RBM25: variants seen among roughly 807,000 people sequenced by gnomAD.
RBM25 encodes the protein RNA binding motif protein 25.
A neutral mutation model predicts 120.7 loss-of-function variants in RBM25; 19 were observed. The ratio of observed to expected loss-of-function variants is 0.16; its 90% confidence interval spans 0.11 to 0.23. RBM25 has a LOEUF of 0.23. RBM25 is among the 10% of genes least tolerant of loss of function. The pLI is 1.00. For synonymous variants in RBM25, 390 were observed against 326.7 expected, an observed-to-expected ratio of 1.19 and a Z score of -2.09; for missense variants, 605 against 1,041.5, an observed-to-expected ratio of 0.58 and a Z score of 5.77.
intron 16 of RBM25, 107 bp from the exon 17 acceptor site, chr14:73,112,045 C>T: frequency 8.6e-7 from 1 of 1,165,068 alleles, no homozygotes; most frequent in Non-Finnish European, 1.2e-6. Flanking sequence ...CTTAGTTCAA[C>T]TTGTGAAATA....
chr14:73,108,695 T>C (rs190337151), intron 13 of RBM25, among the ~76,000 whole-genome samples: 1 of 152,342 alleles, frequency 6.6e-6, no homozygotes, highest in African/African-American at 2.4e-5. Context: ...ATATTTAATA[T>C]AGTTAAATTT....
intron 18 of RBM25, among the ~76,000 whole-genome samples, chr14:73,117,648 C>T (rs781688618): frequency 6.6e-6 from 1 of 152,146 alleles, no homozygotes. Context: ...GTAGCTACAT[C>T]GCCTCCACTT....
chr14:73,103,536 C>CG, intron 10 of RBM25, 58 bp downstream of exon 10: 1 of 1,517,494 alleles, frequency 6.6e-7, no homozygotes, highest in Non-Finnish European at 8.8e-7. Flanking sequence ...ATCGGGTAGT[C>CG]CTCCAGAGTA....
intron 5 of RBM25, among the ~76,000 whole-genome samples, chr14:73,086,170 G>C (rs981635872): frequency 2.0e-5 from 3 of 151,916 alleles, no homozygotes; most frequent in Admixed American, 6.6e-5. Flanking sequence ...GGTTTGGGAT[G>C]GGTGTGGTGG....
At chr14:73,092,219 G>GGA (rs2140444647) in intron 6 of RBM25, among the ~76,000 whole-genome samples, 1 of 150,544 alleles carries the variant, frequency 6.6e-6, no homozygotes, top group Non-Finnish European at 1.5e-5. Context: ...GGGGGTGTAG[G>GGA]GAGAGATGAA....
At chr14:73,075,155 T>TTTTA (rs1205188630) in intron 2 of RBM25, among the ~76,000 whole-genome samples, 5 of 151,874 alleles carry the variant, frequency 3.3e-5, no homozygotes, top group Admixed American at 1.3e-4. Context: ...ACAAGCATGA[T>TTTTA]TTTATTTATT....
In RBM25 at chr14:73,077,449, T is replaced by C; in HGVS notation, c.237T>C (p.Asn79=). ...KDHPGLKAKE[N]DENCGPTTTV... is the part of the protein sequence containing the mutation. The stretch of plus-strand genomic sequence containing the variant: ...ATCCAGGCTTAAAGGCTAAAGAAAA[T>C]GATGAAAATTGTGGTCCTACTACCA... The change falls in exon 4 of 19, where the codon AAT becomes AAC. Residue 79 remains asparagine, a synonymous_variant. Coordinates refer to ENST00000261973, the MANE Select transcript of RBM25 (RefSeq NM_021239.3). 6.2e-7 allele frequency: 1 copy of C among 1,613,908 alleles called. No homozygotes were observed. Among genetic ancestry groups the C allele is most frequent in the Non-Finnish European group, 8.5e-7 (1 of 1,179,870 alleles).
intron 1 of RBM25, among the ~76,000 whole-genome samples, chr14:73,066,770 T>A (rs1056319044): frequency 1.3e-4 from 20 of 152,154 alleles, no homozygotes; most frequent in African/African-American, 4.6e-4. Flanking sequence ...ATTATCCCAA[T>A]TTAAGTCAAA....
At chr14:73,110,196 T>G (rs912257670) in intron 14 of RBM25, among the ~76,000 whole-genome samples, 1 of 151,326 alleles carries the variant, frequency 6.6e-6, no homozygotes, top group Non-Finnish European at 1.5e-5. Context: ...TTTTTTTTTT[T>G]CCCTGAGACA....
chr14:73,098,313 A>G (rs1416825395), intron 7 of RBM25, among the ~76,000 whole-genome samples: 2 of 152,098 alleles, frequency 1.3e-5, no homozygotes, highest in African/African-American at 2.4e-5. Context: ...TATTTTTTGT[A>G]GAGACAGGGT....
chr14:73,075,463 A>G (rs1300586758), intron 2 of RBM25, among the ~76,000 whole-genome samples: 1 of 151,492 alleles, frequency 6.6e-6, no homozygotes, highest in Non-Finnish European at 1.5e-5. Context: ...CCGGCCCATG[A>G]TTTTTATTTT....
At chr14:73,100,473 C>T (rs961468589) in intron 9 of RBM25, 2 of 487,126 alleles carry the variant, frequency 4.1e-6, no homozygotes, top group Non-Finnish European at 7.4e-6. Flanking sequence ...ATCCCACTCA[C>T]GAGTTTTGCC....
intron 7 of RBM25, 34 bp downstream of exon 7, chr14:73,097,134 CGTTT>C: frequency 6.9e-7 from 1 of 1,450,682 alleles, no homozygotes; most frequent in Non-Finnish European, 9.2e-7. Context: ...TCATTTCTAC[CGTTT>C]GTTTTTTATG....
chr14:73,123,108 A>G lies in RBM25; in HGVS notation c.*3303A>G, dbSNP rs1164863332. On this transcript the variant is annotated 3_prime_UTR_variant, in exon 19 of 19. Coordinates refer to ENST00000261973, the MANE Select transcript of RBM25 (RefSeq NM_021239.3). ...TATGTTGTAACTTATTCTGAATCTTATTATGGCATTTCCCTGTAAACTATG... is the reference window on the plus strand; with the variant it reads ...TATGTTGTAACTTATTCTGAATCTTGTTATGGCATTTCCCTGTAAACTATG... The G allele has an allele frequency of 6.6e-6, 1 of 152,024 alleles. No homozygotes were observed. Among genetic ancestry groups the G allele is most frequent in the Non-Finnish European group, 1.5e-5 (1 of 68,014 alleles). The allele number at this position is 152,024 out of a possible 1,614,324, so 9.4% of individuals were successfully genotyped here.
intron 5 of RBM25, among the ~76,000 whole-genome samples, chr14:73,084,086 C>T (rs865838219): frequency 3.7e-4 from 56 of 151,808 alleles, no homozygotes; most frequent in Non-Finnish European, 5.4e-4. Flanking sequence ...TTAGTAGAGA[C>T]GGGGTTTCAC....
intron 1 of RBM25, among the ~76,000 whole-genome samples, chr14:73,070,719 C>T (rs542015156): frequency 6.6e-6 from 1 of 152,012 alleles, no homozygotes; most frequent in Admixed American, 6.6e-5. Flanking sequence ...GAAGCTGAGT[C>T]AGGCAGATCG....
At chr14:73,098,908 A>G (rs1432839961) in intron 7 of RBM25, among the ~76,000 whole-genome samples, 3 of 152,166 alleles carry the variant, frequency 2.0e-5, no homozygotes, top group Non-Finnish European at 1.5e-5. Flanking sequence ...TGCCCGACCC[A>G]TAACTTTTCT....
rs1197789741 is a variant in RBM25, at chr14:73,121,407, G to A, written c.*1602G>A. 1 of 152,500 alleles carries A rather than the reference G, an allele frequency of 6.6e-6. No homozygotes were observed. Among genetic ancestry groups the A allele is most frequent in the Admixed American group, 6.6e-5 (1 of 15,250 alleles). The allele number at this position is 152,500 out of a possible 1,614,324, so 9.4% of individuals were successfully genotyped here. A position where few individuals can be genotyped will look rare whatever the true frequency, so the allele number is the denominator to read the frequency against. On this transcript the variant is annotated 3_prime_UTR_variant, in exon 19 of 19. Coordinates refer to ENST00000261973, the MANE Select transcript of RBM25 (RefSeq NM_021239.3). ...ACTAGAAAAGTTAAAAATATGGGCTGAACTTTTTATGGACTTGATTTTTAT... is the reference window on the plus strand; with the variant it reads ...ACTAGAAAAGTTAAAAATATGGGCTAAACTTTTTATGGACTTGATTTTTAT...
At chr14:73,085,486 C>T (rs909593857) in intron 5 of RBM25, among the ~76,000 whole-genome samples, 2 of 148,916 alleles carry the variant, frequency 1.3e-5, no homozygotes, top group East Asian at 2.1e-4. Context: ...CTCTTGTTGC[C>T]CAGACTGGAG....
Sources: gnomAD v4.1 joint callset for allele counts (sites outside exome capture counted in the v4.1 genomes callset) on GRCh38, gnomAD v4.1.1 for gene constraint, MANE v1.5 for transcripts, NCBI Gene and HGNC (gene_info 2026-07-23, HGNC 2026-07-21) for gene names.